The following WDPCP variants were observed in gnomAD, a reference collection of about 807,000 sequenced individuals.
The protein encoded by WDPCP is WD repeat containing planar cell polarity effector, also known as WD repeat-containing and planar cell polarity effector protein fritz homolog.
In WDPCP, 71 loss-of-function variants were observed where a neutral mutation model predicts 93.1. The ratio of observed to expected loss-of-function variants is 0.76; its 90% CI spans 0.63 to 0.93. WDPCP has a LOEUF of 0.93. WDPCP is among the 40% of genes least tolerant of loss of function. WDPCP has a pLI of 0.00. For synonymous variants in WDPCP, 315 were observed against 315.0 expected (o/e 1.00, Z 0.00); for missense variants, 844 against 887.4 (o/e 0.95, Z 0.62).
At chr2:63,449,305 G>C (rs1171445027) in intron 6 of WDPCP, among the ~76,000 whole-genome samples, 1 of 152,144 alleles carries the variant, frequency 6.6e-6, no homozygotes, top group African/African-American at 2.4e-5. Context: ...TGTCCAGCTG[G>C]AACTGCAATA....
chr2:63,291,928 T>C (rs1684458391), intron 13 of WDPCP, among the ~76,000 whole-genome samples: 1 of 150,086 alleles, frequency 6.7e-6, no homozygotes, highest in African/African-American at 2.5e-5. Flanking sequence ...GGTCAGGAGA[T>C]CGAGACCATT....
At chr2:63,138,707 C>T (rs1670826011) in intron 17 of WDPCP, among the ~76,000 whole-genome samples, 1 of 152,162 alleles carries the variant, frequency 6.6e-6, no homozygotes, top group African/African-American at 2.4e-5. Context: ...CCGCCTCAGC[C>T]TCCGAAAGTT....
chr2:63,694,365 C>T (rs74936556), intron 2 of WDPCP, among the ~76,000 whole-genome samples: 1,874 of 152,174 alleles, frequency 0.012, 18 homozygotes, highest in Non-Finnish European at 0.015. Context: ...ACCTTATAAT[C>T]TTTCTTTGAT....
chr2:63,521,784 A>C (rs1702951939), intron 1 of WDPCP, among the ~76,000 whole-genome samples: 1 of 152,166 alleles, frequency 6.6e-6, no homozygotes, highest in African/African-American at 2.4e-5. Context: ...ATCGGGCATA[A>C]AACAACCCTC....
chr2:63,814,405 G>C (rs528523102), intron 1 of WDPCP, among the ~76,000 whole-genome samples: 1 of 151,032 alleles, frequency 6.6e-6, no homozygotes, highest in Admixed American at 6.6e-5. Context: ...TCCTACATTT[G>C]AAAATTTTGG....
chr2:63,494,398 A>T (rs1701091053), intron 1 of WDPCP, among the ~76,000 whole-genome samples: 1 of 152,218 alleles, frequency 6.6e-6, no homozygotes, highest in Non-Finnish European at 1.5e-5. Flanking sequence ...CAAACATTTT[A>T]CATGTATTAA....
At chr2:63,836,259 C>G in the WDPCP span, among the ~76,000 whole-genome samples, 1 of 152,184 alleles carries the variant, frequency 6.6e-6, no homozygotes, top group Non-Finnish European at 1.5e-5. Flanking sequence ...CCTTTCCTTT[C>G]CAGTGGTGGC....
At chr2:63,281,820 A>C (rs1026660140) in intron 13 of WDPCP, among the ~76,000 whole-genome samples, 2 of 152,184 alleles carry the variant, frequency 1.3e-5, no homozygotes, top group African/African-American at 4.8e-5. Flanking sequence ...TTGGAGACTC[A>C]GAGAAAATGG....
chr2:63,427,221 A>G (rs1195897217), intron 9 of WDPCP, among the ~76,000 whole-genome samples: 1 of 152,178 alleles, frequency 6.6e-6, no homozygotes, highest in Non-Finnish European at 1.5e-5. Flanking sequence ...AAATTGCAAC[A>G]CTTGACCAAT....
At chr2:63,385,006 G>A (rs922726167) in intron 10 of WDPCP, among the ~76,000 whole-genome samples, 1 of 151,858 alleles carries the variant, frequency 6.6e-6, no homozygotes, top group East Asian at 1.9e-4. Context: ...ACAAATGCAA[G>A]GTTGCTTAAA....
chr2:63,678,143 G>A (rs1019445274), intron 2 of WDPCP, among the ~76,000 whole-genome samples: 3 of 152,112 alleles, frequency 2.0e-5, no homozygotes, highest in South Asian at 4.1e-4. Flanking sequence ...TGCAGTTGCC[G>A]AAAGTAATCA....
chr2:63,513,704 C>T (rs1162258125), intron 1 of WDPCP, among the ~76,000 whole-genome samples: 1 of 152,194 alleles, frequency 6.6e-6, no homozygotes, highest in Non-Finnish European at 1.5e-5. Context: ...AGGAATGCTA[C>T]ACAGAGAGGC....
intron 12 of WDPCP, among the ~76,000 whole-genome samples, chr2:63,331,959 C>T (rs1489243259): frequency 2.0e-5 from 3 of 151,654 alleles, no homozygotes; most frequent in Non-Finnish European, 4.4e-5. Flanking sequence ...TTTGTTTATA[C>T]ATTTACCAAC....
chr2:63,440,550 G>C (rs1697442266), intron 6 of WDPCP: 1 of 152,430 alleles, frequency 6.6e-6, no homozygotes, highest in African/African-American at 2.4e-5. Context: ...AACAAAAGAT[G>C]ATTGGATATC....
At chr2:63,527,463 T>C (rs554025485) in intron 1 of WDPCP, among the ~76,000 whole-genome samples, 2 of 148,098 alleles carry the variant, frequency 1.4e-5, no homozygotes, top group South Asian at 2.2e-4. Flanking sequence ...AGTGAGAACA[T>C]GCAGTGTTTG....
At chr2:63,451,066 T>A (rs1698210794) in intron 6 of WDPCP, among the ~76,000 whole-genome samples, 1 of 151,660 alleles carries the variant, frequency 6.6e-6, no homozygotes, top group Non-Finnish European at 1.5e-5. Flanking sequence ...CTCAGTAAGA[T>A]ACAAGAGAAT....
intron 13 of WDPCP, among the ~76,000 whole-genome samples, chr2:63,311,257 C>T (rs2103922279): frequency 6.6e-6 from 1 of 152,220 alleles, no homozygotes. Flanking sequence ...TAGGAATAAT[C>T]CTGTTTAATC....
chr2:63,369,558 GA>G, intron 12 of WDPCP: 2 of 455,748 alleles, frequency 4.4e-6, no homozygotes, highest in Non-Finnish European at 8.8e-6. Context: ...AATTTGGGCA[GA>G]AAACACATTT....
chr2:63,372,158 G>C (rs1156607226), intron 12 of WDPCP, among the ~76,000 whole-genome samples: 1 of 152,134 alleles, frequency 6.6e-6, no homozygotes, highest in East Asian at 1.9e-4. Flanking sequence ...AGAGGAGGGA[G>C]AGCCACCAAT....
Sources: allele counts gnomAD v4.1 joint callset (sites outside exome capture counted in the v4.1 genomes callset), GRCh38; gene constraint gnomAD v4.1.1; transcripts MANE v1.5; gene names NCBI Gene and HGNC (gene_info 2026-07-23, HGNC 2026-07-21).